The following NDC1 variants were observed in gnomAD, a reference collection of about 807,000 sequenced individuals.
NDC1 encodes the protein NDC1 transmembrane nucleoporin, also known as nucleoporin NDC1.
A neutral mutation model predicts 89.8 loss-of-function variants in NDC1; 24 were observed. That is an observed-to-expected ratio of 0.27 (90% CI 0.19 to 0.38). NDC1 has a LOEUF of 0.38. Among genes scored for constraint, NDC1 ranks in the 10% least tolerant of loss-of-function variants. NDC1 has a pLI of 1.00. For missense variants in NDC1, 728 were observed against 797.6 expected (o/e 0.91, Z 1.05); for synonymous variants, 296 against 284.8 (o/e 1.04, Z -0.39).
At chr1:53,835,678 C>T in intron 1 of NDC1, 58 bp from the exon 2 acceptor site, 1 of 1,467,960 alleles carries the variant, frequency 6.8e-7, no homozygotes, top group Non-Finnish European at 9.3e-7. Flanking sequence ...TTCAGTTATG[C>T]AAATCCTATC....
At chr1:53,793,319 T>C in intron 13 of NDC1, 40 bp from the exon 14 acceptor site, 1 of 1,472,136 alleles carries the variant, frequency 6.8e-7, no homozygotes, top group Non-Finnish European at 9.5e-7. Context: ...ATTTACCTTT[T>C]AAATTCTATT....
chr1:53,831,383 A>G (rs918008545), intron 3 of NDC1, among the ~76,000 whole-genome samples: 11 of 151,852 alleles, frequency 7.2e-5, no homozygotes, highest in African/African-American at 2.4e-5. Context: ...TTTAAGTTTA[A>G]AAAAAGGAAA....
intron 7 of NDC1, among the ~76,000 whole-genome samples, chr1:53,808,853 T>C (rs375516015): frequency 6.6e-6 from 1 of 152,284 alleles, no homozygotes. Context: ...TGAGAAACCA[T>C]AATATCTCTT....
At chr1:53,815,815 A>G (rs1258960060) in intron 6 of NDC1, among the ~76,000 whole-genome samples, 1 of 152,242 alleles carries the variant, frequency 6.6e-6, no homozygotes, top group African/African-American at 2.4e-5. Context: ...ACAGTGACCA[A>G]GTGGAGAATC....
Position 53,797,011 on chromosome 1 carries a change from G to GCCAAATGGGGTC in NDC1, c.1344_1355dup (p.Thr449_Gly452dup), listed in dbSNP as rs771024804. 4.3e-5 allele frequency: 69 copies of GCCAAATGGGGTC among 1,614,164 alleles called. No individual in the cohort carries two copies. In the African/African-American group the frequency reaches 8.4e-4, roughly 20 times the overall value. ...CAGCCATCCGATTCATTACACTAGA[G>GCCAAATGGGGTC]CCAAATGGGGTCCCAAATGGGCTCA... On this transcript the variant is annotated inframe_insertion, in exon 12 of 18. Coordinates refer to ENST00000371429, the MANE Select transcript of NDC1 (RefSeq NM_018087.5).
intron 2 of NDC1, among the ~76,000 whole-genome samples, chr1:53,834,923 C>T (rs181481288): frequency 3.1e-4 from 47 of 151,950 alleles, no homozygotes; most frequent in African/African-American, 4.1e-4. Context: ...GCCTGGGTAA[C>T]GTGGCAAAAC....
At chr1:53,809,561 C>A in intron 7 of NDC1, 134 bp downstream of exon 7, 1 of 616,654 alleles carries the variant, frequency 1.6e-6, no homozygotes, top group South Asian at 2.0e-5. Flanking sequence ...ACCATATAAA[C>A]TATATGTATT....
intron 16 of NDC1, among the ~76,000 whole-genome samples, chr1:53,776,383 A>G (rs1647163324): frequency 6.6e-6 from 1 of 152,198 alleles, no homozygotes; most frequent in African/African-American, 2.4e-5. Context: ...CTGAATTGAG[A>G]TATGCTACAA....
intron 1 of NDC1, among the ~76,000 whole-genome samples, chr1:53,835,874 C>T (rs1156600742): frequency 1.3e-5 from 2 of 152,136 alleles, no homozygotes; most frequent in Non-Finnish European, 2.9e-5. Context: ...CATTGATTTA[C>T]AGCTGTTTTA....
intron 1 of NDC1, among the ~76,000 whole-genome samples, chr1:53,837,112 C>G (rs1649259018): frequency 6.6e-6 from 1 of 152,046 alleles, no homozygotes; most frequent in Non-Finnish European, 1.5e-5. Flanking sequence ...TATTCAGCCA[C>G]AAAAAGGAAT....
chr1:53,768,027 C>A lies in NDC1; in HGVS notation c.1968G>T (p.Val656=). ...TTTTCTGATGTTCTGCAGATGCTTG[C>A]ACAGCACTAAATGAAACATAAATTC... is the stretch of plus-strand genomic sequence containing the variant. The part of the protein sequence containing the change: ...TTTFGEHLNA[V]QASAEHQKRL... The change falls in exon 18 of 18, where the codon GTG becomes GTT. Residue 656 remains valine, a synonymous_variant. Transcript: ENST00000371429. The A allele has an allele frequency of 6.2e-7, 1 of 1,602,578 alleles. No homozygotes were observed.
chr1:53,823,781 T>C (rs1648749073), intron 5 of NDC1, among the ~76,000 whole-genome samples: 1 of 152,204 alleles, frequency 6.6e-6, no homozygotes, highest in Admixed American at 6.5e-5. Flanking sequence ...TCACAAGATA[T>C]GAAGGATTTC....
At chr1:53,770,679 G>A (rs1040914003) in intron 17 of NDC1, among the ~76,000 whole-genome samples, 6 of 151,436 alleles carry the variant, frequency 4.0e-5, no homozygotes, top group Admixed American at 6.6e-5. Flanking sequence ...CTTTGAGACC[G>A]AGTCTCGCTC....
At chr1:53,798,472 C>A (rs760918086) in intron 11 of NDC1, among the ~76,000 whole-genome samples, 13 of 151,284 alleles carry the variant, frequency 8.6e-5, no homozygotes, top group Non-Finnish European at 1.5e-4. Flanking sequence ...CAGCTGGATT[C>A]CATCTTCTTA....
At chr1:53,809,429 G>A (rs1479120029) in intron 7 of NDC1, among the ~76,000 whole-genome samples, 1 of 151,960 alleles carries the variant, frequency 6.6e-6, no homozygotes, top group Non-Finnish European at 1.5e-5. Flanking sequence ...ATAGCTCACC[G>A]CATCCTTGAA....
At chr1:53,836,654 C>A (rs1428316113) in intron 1 of NDC1, among the ~76,000 whole-genome samples, 1 of 151,986 alleles carries the variant, frequency 6.6e-6, no homozygotes, top group Non-Finnish European at 1.5e-5. Flanking sequence ...CGCCACCACA[C>A]CTGACTAATT....
intron 5 of NDC1, among the ~76,000 whole-genome samples, chr1:53,822,076 T>C (rs1411775999): frequency 1.3e-5 from 2 of 152,210 alleles, no homozygotes; most frequent in African/African-American, 4.8e-5. Flanking sequence ...ATAAAGGCAA[T>C]AGAACTGGTT....
Position 53,768,017 on chromosome 1 carries a change from C to A in NDC1, c.1978G>T (p.Ala660Ser). ...TGTTGAAGTCTTTTCTGATGTTCTGCAGATGCTTGCACAGCACTAAATGAA... is the reference window on the plus strand; with the variant it reads ...TGTTGAAGTCTTTTCTGATGTTCTGAAGATGCTTGCACAGCACTAAATGAA... ...GEHLNAVQAS[A>S]EHQKRLQQFL... The change falls in exon 18 of 18, where the codon GCA (alanine) becomes TCA (serine). Residue 660 changes from alanine (A) to serine (S), a missense_variant. Coordinates refer to ENST00000371429, the MANE Select transcript of NDC1 (RefSeq NM_018087.5). 1 of 1,607,724 alleles carries A rather than the reference C, an allele frequency of 6.2e-7. No homozygotes were observed. Among genetic ancestry groups the A allele is most frequent in the Non-Finnish European group, 8.5e-7 (1 of 1,176,918 alleles).
chr1:53,773,411 T>C (rs1647135797), intron 16 of NDC1, among the ~76,000 whole-genome samples: 2 of 152,228 alleles, frequency 1.3e-5, no homozygotes, highest in African/African-American at 4.8e-5. Flanking sequence ...CAATATCCTT[T>C]CTTATTTCTA....
Sources: allele counts gnomAD v4.1 joint callset (sites outside exome capture counted in the v4.1 genomes callset), GRCh38; gene constraint gnomAD v4.1.1; transcripts MANE v1.5; gene names NCBI Gene and HGNC (gene_info 2026-07-23, HGNC 2026-07-21).